Variants in MRPL48 observed in about 807,000 individuals in gnomAD.
MRPL48 encodes large ribosomal subunit protein mL48.
A neutral mutation model predicts 32.9 loss-of-function variants in MRPL48; 16 were observed. The ratio of observed to expected loss-of-function variants is 0.49; its 90% CI spans 0.33 to 0.74. The LOEUF (loss-of-function observed/expected upper bound fraction) is 0.74. MRPL48 is among the 30% of genes least tolerant of loss of function. MRPL48 has a pLI of 0.02. For missense variants in MRPL48, 206 were observed against 245.3 expected (o/e 0.84, Z 1.07); for synonymous variants, 94 against 89.2 (o/e 1.05, Z -0.31).
At chr11:73,806,861 T>G (rs1590941867) in intron 2 of MRPL48, among the ~76,000 whole-genome samples, 1 of 151,968 alleles carries the variant, frequency 6.6e-6, no homozygotes, top group Non-Finnish European at 1.5e-5. Flanking sequence ...TAGATTGCTC[T>G]CCATTGTTTT....
At chr11:73,812,572 G>T (rs1419711488) in intron 3 of MRPL48, among the ~76,000 whole-genome samples, 1 of 151,872 alleles carries the variant, frequency 6.6e-6, no homozygotes, top group Admixed American at 6.6e-5. Context: ...GCACTGGCAT[G>T]AACTTGTAGT....
At chr11:73,849,446 T>TA (rs1347749318) in intron 5 of MRPL48, among the ~76,000 whole-genome samples, 1 of 152,250 alleles carries the variant, frequency 6.6e-6, no homozygotes, top group Non-Finnish European at 1.5e-5. Context: ...GGCAACTTTT[T>TA]ATCTATGTTC....
chr11:73,861,660 T>G (rs879286062), intron 6 of MRPL48, among the ~76,000 whole-genome samples: 20 of 152,178 alleles, frequency 1.3e-4, no homozygotes, highest in Non-Finnish European at 2.6e-4. Flanking sequence ...TGAACCACTG[T>G]GCCCGGCCAA....
At chr11:73,828,361 A>C (rs1005623977) in intron 4 of MRPL48, among the ~76,000 whole-genome samples, 2 of 151,628 alleles carry the variant, frequency 1.3e-5, no homozygotes, top group African/African-American at 4.9e-5. Flanking sequence ...AGCAGCTGGG[A>C]CTACAGGCAT....
At chr11:73,851,918 T>TACAC (rs35410725) in intron 5 of MRPL48, among the ~76,000 whole-genome samples, 7,857 of 149,032 alleles carry the variant, frequency 0.053, 232 homozygotes, top group Middle Eastern at 0.094. Context: ...TCAGGGAACG[T>TACAC]ACACACACAC....
At chr11:73,798,805 C>T (rs1947306040) in intron 1 of MRPL48, among the ~76,000 whole-genome samples, 1 of 151,936 alleles carries the variant, frequency 6.6e-6, no homozygotes, top group African/African-American at 2.4e-5. Context: ...GCCTGGCCAA[C>T]ATAGTGAAAT....
intron 1 of MRPL48, 75 bp downstream of exon 1, chr11:73,788,067 A>T (rs2134911038): frequency 6.3e-7 from 1 of 1,580,792 alleles, no homozygotes. Context: ...CGGAGGGTGC[A>T]GAGCGGGGAG....
intron 4 of MRPL48, chr11:73,842,334 A>G (rs1948201217): frequency 1.3e-5 from 2 of 152,198 alleles, no homozygotes; most frequent in Non-Finnish European, 2.9e-5. Context: ...ACATGCACAC[A>G]CACACATATC....
chr11:73,844,708 A>G (rs1948254351), intron 4 of MRPL48, 99 bp from the exon 5 acceptor site: 4 of 1,378,296 alleles, frequency 2.9e-6, no homozygotes. Flanking sequence ...AATGTGAACA[A>G]ATTTATTAGA....
At chr11:73,805,387 C>T (rs1406641935) in intron 2 of MRPL48, among the ~76,000 whole-genome samples, 1 of 151,334 alleles carries the variant, frequency 6.6e-6, no homozygotes, top group Non-Finnish European at 1.5e-5. Flanking sequence ...ACCTCTACCT[C>T]CCAGGTTCAA....
At chr11:73,810,180 C>T (rs922214503) in intron 3 of MRPL48, among the ~76,000 whole-genome samples, 8 of 152,184 alleles carry the variant, frequency 5.3e-5, no homozygotes, top group Admixed American at 5.2e-4. Flanking sequence ...AAAAATCAGA[C>T]ATCATGATAC....
intron 4 of MRPL48, among the ~76,000 whole-genome samples, chr11:73,826,774 C>CTTT (rs71065041): frequency 1.0e-4 from 11 of 108,938 alleles, no homozygotes; most frequent in South Asian, 3.1e-4. Context: ...ACTGTATTTT[C>CTTT]TTTTTTTTTT....
At chr11:73,822,877 G>T in intron 3 of MRPL48, 1 of 361,346 alleles carries the variant, frequency 2.8e-6, no homozygotes, top group South Asian at 2.1e-5. Flanking sequence ...TCTCCTCTCA[G>T]ATCAGCTGTG....
intron 3 of MRPL48, among the ~76,000 whole-genome samples, chr11:73,814,722 G>A (rs1465879652): frequency 6.6e-6 from 1 of 150,552 alleles, no homozygotes; most frequent in African/African-American, 2.4e-5. Context: ...GGCTGGGTGC[G>A]GTGGCTCATG....
At chr11:73,850,054 C>T (rs979322203) in intron 5 of MRPL48, among the ~76,000 whole-genome samples, 6 of 152,056 alleles carry the variant, frequency 3.9e-5, no homozygotes, top group African/African-American at 1.4e-4. Flanking sequence ...GAACTGAGAT[C>T]GTGCCACTGC....
At chr11:73,849,159 C>T (rs1204976418) in intron 5 of MRPL48, among the ~76,000 whole-genome samples, 7 of 151,952 alleles carry the variant, frequency 4.6e-5, no homozygotes, top group African/African-American at 1.5e-4. Context: ...TTTGTTGAGA[C>T]GGAGTCTTGC....
At chr11:73,847,347 CTGA>C (rs965658699) in intron 5 of MRPL48, among the ~76,000 whole-genome samples, 6 of 152,066 alleles carry the variant, frequency 3.9e-5, no homozygotes, top group Admixed American at 1.3e-4. Context: ...TGTATCTTCC[CTGA>C]TGATATGTCT....
At chr11:73,826,766 T>C (rs1007739760) in intron 4 of MRPL48, among the ~76,000 whole-genome samples, 2 of 149,900 alleles carry the variant, frequency 1.3e-5, no homozygotes, top group East Asian at 1.9e-4. Flanking sequence ...TGATTCTTAC[T>C]GTATTTTCTT....
At chr11:73,856,545 C>T (rs905436407) in intron 5 of MRPL48, among the ~76,000 whole-genome samples, 2 of 152,194 alleles carry the variant, frequency 1.3e-5, no homozygotes, top group Non-Finnish European at 2.9e-5. Context: ...GGAAATCTCA[C>T]TCATCTGGGA....
Sources: gnomAD v4.1 joint callset for allele counts (sites outside exome capture counted in the v4.1 genomes callset) on GRCh38, gnomAD v4.1.1 for gene constraint, MANE v1.5 for transcripts, NCBI Gene and HGNC (gene_info 2026-07-23, HGNC 2026-07-21) for gene names.